Variants in KNTC1 observed in about 807,000 individuals in gnomAD.
KNTC1 encodes kinetochore associated 1.
KNTC1 carries 253 observed loss-of-function variants against 314.4 expected under a neutral mutation model. The observed-to-expected ratio is 0.80, with a 90% CI of 0.73 to 0.89. The LOEUF (loss-of-function observed/expected upper bound fraction) is 0.89, where lower values mean the gene tolerates loss of function less well. Ranked by LOEUF, KNTC1 falls within the 40% of genes least tolerant of loss-of-function variation. The pLI is 0.00. For missense variants in KNTC1, 2,475 were observed against 2,572.9 expected, an observed-to-expected ratio of 0.96 and a Z score of 0.82; for synonymous variants, 901 against 901.4, an observed-to-expected ratio of 1.00 and a Z score of 0.01.
chr12:122,543,336 A>G (rs1962494296), intron 6 of KNTC1, among the ~76,000 whole-genome samples: 1 of 152,356 alleles, frequency 6.6e-6, no homozygotes, highest in Non-Finnish European at 1.5e-5. Flanking sequence ...TATTCCAAAC[A>G]GTGAGAAGCA....
In KNTC1 at chr12:122,590,603, G is replaced by A. The variant is rs190304377; in HGVS notation, c.4000-4G>A. ...TTGCTTCTTTTGCTGGTTTCTTCCTGTAGGTATTTAATTGTCGCTTGGTAG... is the reference window on the plus strand; with the variant it reads ...TTGCTTCTTTTGCTGGTTTCTTCCTATAGGTATTTAATTGTCGCTTGGTAG... On this transcript the variant is annotated splice_region_variant and splice_polypyrimidine_tract_variant and intron_variant, in intron 40 of 63. Transcript: ENST00000333479. 1,612 of 1,608,890 alleles carry A rather than the reference G, an allele frequency of 1.0e-3. 22 individuals carry two copies. In the African/African-American group the frequency reaches 0.02, roughly 20 times the overall value.
intron 4 of KNTC1, 66 bp downstream of exon 4, chr12:122,538,520 C>A: frequency 1.2e-6 from 1 of 857,882 alleles, no homozygotes; most frequent in Non-Finnish European, 1.8e-6. Flanking sequence ...ACAACTAAAA[C>A]TCTAGCAAAC....
chr12:122,563,745 A>C, intron 20 of KNTC1: 1 of 1,414,400 alleles, frequency 7.1e-7, no homozygotes, highest in Non-Finnish European at 9.3e-7. Context: ...CCTCTTTAGA[A>C]TGATCTGGCT....
intron 43 of KNTC1, 26 bp downstream of exon 43, chr12:122,594,411 T>G: frequency 1.1e-4 from 140 of 1,295,094 alleles, no homozygotes; most frequent in Non-Finnish European, 1.4e-4. Flanking sequence ...TTAACGGTAT[T>G]TTTGCTGTTA....
intron 1 of KNTC1, among the ~76,000 whole-genome samples, chr12:122,528,253 C>T (rs1376339637): frequency 6.6e-6 from 1 of 152,196 alleles, no homozygotes; most frequent in African/African-American, 2.4e-5. Context: ...TCTTCATCTC[C>T]TCACTCCCAC....
At chr12:122,549,090 C>T (rs1398013808) in intron 12 of KNTC1, among the ~76,000 whole-genome samples, 1 of 152,190 alleles carries the variant, frequency 6.6e-6, no homozygotes, top group African/African-American at 2.4e-5. Context: ...CTCACTCTTT[C>T]ACCCAGACAG....
intron 63 of KNTC1, chr12:122,624,899 G>A: frequency 1.9e-6 from 1 of 526,720 alleles, no homozygotes; most frequent in South Asian, 1.8e-5. Flanking sequence ...GGGCAGCAAA[G>A]CCTAATGTGG....
At position 122,587,775 on chromosome 12, in the gene KNTC1, T is replaced by C; in HGVS notation, c.3795T>C (p.Ser1265=). 1 of 1,613,858 alleles carries C rather than the reference T, an allele frequency of 6.2e-7. No homozygotes were observed. The highest frequency in any genetic ancestry group is 8.5e-7 in the Non-Finnish European group (1 of 1,179,750). Residue 1265 remains serine (S), a synonymous_variant, in exon 39 of 64, where the codon TCT becomes TCC. Transcript: ENST00000333479. ...ISALLQNLQE[S]SQWELALRFV... ...CCCTGCTTCAGAATCTTCAGGAATCTAGCCAGTGGGAGCTAGCCCTAAGAT... is the reference window on the plus strand; with the variant it reads ...CCCTGCTTCAGAATCTTCAGGAATCCAGCCAGTGGGAGCTAGCCCTAAGAT...
intron 16 of KNTC1, among the ~76,000 whole-genome samples, chr12:122,556,628 A>G (rs1245119687): frequency 2.0e-5 from 3 of 151,238 alleles, no homozygotes; most frequent in South Asian, 4.2e-4. Flanking sequence ...GCCCACTAAC[A>G]TGCACTGCTA....
At chr12:122,530,888 G>A (rs978293520) in intron 2 of KNTC1, among the ~76,000 whole-genome samples, 21 of 152,216 alleles carry the variant, frequency 1.4e-4, no homozygotes, top group Non-Finnish European at 2.2e-4. Context: ...AGGTTTATCC[G>A]TGCATTTCTT....
At chr12:122,621,801 C>T in intron 60 of KNTC1, 80 bp from the exon 61 acceptor site, 1 of 906,198 alleles carries the variant, frequency 1.1e-6, no homozygotes, top group Non-Finnish European at 1.7e-6. Context: ...CTTAGAAGAG[C>T]AAAATACCTG....
At chr12:122,549,494 A>T (rs995467402) in intron 12 of KNTC1, among the ~76,000 whole-genome samples, 1 of 151,882 alleles carries the variant, frequency 6.6e-6, no homozygotes, top group South Asian at 2.1e-4. Flanking sequence ...TGATTATCCC[A>T]GTAGCTGTGA....
At chr12:122,612,420 C>CTTTTTCT (rs1373925722) in intron 53 of KNTC1, among the ~76,000 whole-genome samples, 9 of 88,708 alleles carry the variant, frequency 1.0e-4, no homozygotes, top group Admixed American at 5.2e-4. Flanking sequence ...TTTTCTTTTT[C>CTTTTTCT]TTTTTTTTTT....
At chr12:122,556,326 A>C (rs1052776861) in intron 16 of KNTC1, among the ~76,000 whole-genome samples, 3 of 151,530 alleles carry the variant, frequency 2.0e-5, no homozygotes, top group African/African-American at 4.8e-5. Context: ...CTCTTTTAGC[A>C]ATTTTGAAAT....
chr12:122,539,767 G>A lies in KNTC1; in HGVS notation c.445+13G>A. The A allele has an allele frequency of 1.4e-6, 2 of 1,428,622 alleles. No individual in the cohort carries two copies. The highest frequency in any genetic ancestry group is 1.9e-6 in the Non-Finnish European group (2 of 1,065,132). The allele number at this position is 1,428,622 out of a possible 1,614,324, so 88.5% of individuals were successfully genotyped here. A position where few individuals can be genotyped will look rare whatever the true frequency, so the allele number is the denominator to read the frequency against. On this transcript the variant is annotated intron_variant, in intron 5 of 63. Coordinates refer to ENST00000333479, the MANE Select transcript of KNTC1 (RefSeq NM_014708.6). ...GGTTCAAATGAAGGTAAGTTTTCCT[G>A]AATTTTTTTTTGAATGACTTTTTTT...
At chr12:122,542,608 A>G (rs1311915385) in intron 6 of KNTC1, among the ~76,000 whole-genome samples, 1 of 152,158 alleles carries the variant, frequency 6.6e-6, no homozygotes, top group Admixed American at 6.5e-5. Flanking sequence ...TCTACTAAAA[A>G]TACAAAATTA....
intron 20 of KNTC1, among the ~76,000 whole-genome samples, chr12:122,564,385 A>G (rs1021148512): frequency 6.6e-6 from 1 of 152,216 alleles, no homozygotes; most frequent in South Asian, 2.1e-4. Context: ...ATTCTTAGTC[A>G]TTGCTATAAT....
intron 41 of KNTC1, 43 bp downstream of exon 41, chr12:122,590,778 A>G (rs753955119): frequency 7.0e-6 from 11 of 1,573,434 alleles, no homozygotes; most frequent in South Asian, 1.2e-5. Flanking sequence ...GAAGTATTCA[A>G]GATTGGGGGG....
At chr12:122,610,754 A>G (rs1296538651) in intron 52 of KNTC1, 68 bp from the exon 53 acceptor site, 4 of 995,730 alleles carry the variant, frequency 4.0e-6, no homozygotes, top group South Asian at 2.7e-5. Context: ...GGATAGAAAG[A>G]TAAGTCTGTT....
Sources: allele counts gnomAD v4.1 joint callset (sites outside exome capture counted in the v4.1 genomes callset), GRCh38; gene constraint gnomAD v4.1.1; transcripts MANE v1.5; gene names NCBI Gene and HGNC (gene_info 2026-07-23, HGNC 2026-07-21).